SEC14L5: variants seen among roughly 807,000 people sequenced by gnomAD.
SEC14L5 encodes SEC14-like protein 5.
SEC14L5 carries 96 observed loss-of-function variants against 84.6 expected under a neutral mutation model. The ratio of observed to expected loss-of-function variants is 1.13; its 90% confidence interval spans 0.96 to 1.34. SEC14L5 has a LOEUF of 1.34. SEC14L5 is among the 40% of genes most tolerant of loss of function. The pLI, the probability that SEC14L5 is intolerant of heterozygous loss-of-function variation, is 0.00. For synonymous variants in SEC14L5, 546 were observed against 383.4 expected, an observed-to-expected ratio of 1.42 and a Z score of -4.95; for missense variants, 1,224 against 942.5, an observed-to-expected ratio of 1.30 and a Z score of -3.91.
rs148871821 is a variant in SEC14L5 at position 4,997,034 on chromosome 16, C to T, written c.960C>T (p.Tyr320=). 3 of 1,610,208 alleles carry T rather than the reference C, an allele frequency of 1.9e-6. No individual in the cohort carries two copies. Among genetic ancestry groups the T allele is most frequent in the African/African-American group, 1.3e-5 (1 of 74,900 alleles). The change falls in exon 8 of 16, where the codon TAC becomes TAT. Residue 320 remains tyrosine, a synonymous_variant. Coordinates refer to ENST00000251170, the MANE Select transcript of SEC14L5 (RefSeq NM_014692.2). The part of the protein sequence containing the change: ...LEEFYAGGWH[Y]QDIDGRPLYI... ...AGTTCTATGCAGGGGGCTGGCATTA[C>T]CAGGACATAGGTGCGTGCCTCCACC...
intron 2 of SEC14L5, among the ~76,000 whole-genome samples, chr16:4,964,256 G>A (rs557177877): frequency 1.3e-5 from 2 of 152,116 alleles, no homozygotes; most frequent in Non-Finnish European, 2.9e-5. Flanking sequence ...TCCATTGTGA[G>A]TCGAGTCTAG....
At chr16:4,961,074 A>G (rs554969984) in intron 2 of SEC14L5, among the ~76,000 whole-genome samples, 74 of 152,244 alleles carry the variant, frequency 4.9e-4, no homozygotes, top group African/African-American at 1.7e-3. Flanking sequence ...GATCAAGACA[A>G]TCCCGTGTAA....
intron 5 of SEC14L5, 104 bp downstream of exon 5, chr16:4,990,999 G>C: frequency 2.2e-6 from 2 of 919,892 alleles, no homozygotes; most frequent in South Asian, 2.0e-5. Flanking sequence ...CCTGGGCTCA[G>C]TGTTATCTGT....
intron 2 of SEC14L5, among the ~76,000 whole-genome samples, chr16:4,960,932 G>T (rs1340203445): frequency 6.6e-6 from 1 of 152,192 alleles, no homozygotes; most frequent in Middle Eastern, 3.4e-3. Context: ...GATGCTTTAG[G>T]GTTCTGCTGT....
At chr16:4,984,032 A>G (rs1324594722) in intron 2 of SEC14L5, among the ~76,000 whole-genome samples, 1 of 152,216 alleles carries the variant, frequency 6.6e-6, no homozygotes, top group Non-Finnish European at 1.5e-5. Context: ...CAATTCACAT[A>G]TCATACAACT....
At chr16:4,963,781 G>A (rs964716606) in intron 2 of SEC14L5, among the ~76,000 whole-genome samples, 3 of 152,180 alleles carry the variant, frequency 2.0e-5, no homozygotes, top group African/African-American at 7.2e-5. Context: ...AGTCTCCAGA[G>A]TACAGCCTTA....
intron 10 of SEC14L5, among the ~76,000 whole-genome samples, chr16:5,002,981 C>T (rs1955693077): frequency 1.3e-5 from 2 of 152,242 alleles, no homozygotes; most frequent in South Asian, 2.1e-4. Context: ...AACTCCCACA[C>T]GCTTAGCATT....
intron 2 of SEC14L5, among the ~76,000 whole-genome samples, chr16:4,982,210 C>A (rs879568741): frequency 1.6e-4 from 24 of 151,884 alleles, no homozygotes; most frequent in South Asian, 4.1e-4. Context: ...CTTCCTCGGC[C>A]CCCCCCTCCC....
chr16:4,983,511 C>T (rs930870469), intron 2 of SEC14L5, among the ~76,000 whole-genome samples: 8 of 149,670 alleles, frequency 5.3e-5, no homozygotes, highest in African/African-American at 2.0e-4. Flanking sequence ...AAGATATATG[C>T]ACACTATATA....
intron 2 of SEC14L5, 30 bp from the exon 3 acceptor site, chr16:4,987,527 C>G: frequency 6.6e-7 from 1 of 1,513,336 alleles, no homozygotes; most frequent in Non-Finnish European, 8.8e-7. Context: ...CCCCCCCCAC[C>G]ACGGCCGCTC....
chr16:4,968,762 A>G (rs1039481394), intron 2 of SEC14L5, among the ~76,000 whole-genome samples: 7 of 152,242 alleles, frequency 4.6e-5, no homozygotes, highest in African/African-American at 1.7e-4. Context: ...TCTGTTTTGC[A>G]AACCTAAATA....
At chr16:5,008,983 C>T (rs527905660) in intron 14 of SEC14L5, among the ~76,000 whole-genome samples, 1 of 152,188 alleles carries the variant, frequency 6.6e-6, no homozygotes, top group Non-Finnish European at 1.5e-5. Context: ...CTTGGGGCTG[C>T]AGTAATGAGT....
In SEC14L5 at chr16:5,005,937, C is replaced by T; in HGVS notation, c.1326C>T (p.Asn442=). The T allele has an allele frequency of 6.3e-7, 1 of 1,598,928 alleles. No homozygotes were observed. Among genetic ancestry groups the T allele is most frequent in the Non-Finnish European group, 8.5e-7 (1 of 1,172,360 alleles). The change falls in exon 12 of 16, where the codon AAC becomes AAT. Residue 442 remains asparagine, a synonymous_variant. Transcript: ENST00000251170. ...WTLISPFINE[N]TRRKFLIYSG... ...AGATCAGCCCCTTCATCAATGAGAA[C>T]ACCAGGCGGAAGTTCCTCATCTACA...
Position 4,991,996 on chromosome 16 carries a change from C to G in SEC14L5, c.633C>G (p.Thr211=). The change falls in exon 6 of 16, where the codon ACC becomes ACG. Residue 211 remains threonine, a synonymous_variant. Transcript: ENST00000251170. ...SSLEAHGPRS[T]LGPALEAVSM... ...TGGAGGCCCACGGGCCCCGTAGCAC[C>G]CTGGGGCCCGCTCTGGAGGCGGTCA... 6.3e-7 allele frequency: 1 copy of G among 1,581,914 alleles called. No individual in the cohort carries two copies. Among genetic ancestry groups the G allele is most frequent in the Non-Finnish European group, 8.5e-7 (1 of 1,169,722 alleles).
At chr16:4,977,446 C>CAAAAAAAAAAAAAAAAAAAAA (rs762657125) in intron 2 of SEC14L5, among the ~76,000 whole-genome samples, 1 of 66,142 alleles carries the variant, frequency 1.5e-5, no homozygotes, top group Non-Finnish European at 2.5e-5. Flanking sequence ...GACTCCGTCT[C>CAAAAAAAAAAAAAAAAAAAAA]AAAAAAAAAA....
chr16:4,990,998 A>G (rs1955548058), intron 5 of SEC14L5, 103 bp downstream of exon 5: 1 of 940,984 alleles, frequency 1.1e-6, no homozygotes, highest in Non-Finnish European at 1.5e-6. Flanking sequence ...TCCTGGGCTC[A>G]GTGTTATCTG....
chr16:5,004,579 C>T (rs1236190524), intron 11 of SEC14L5, among the ~76,000 whole-genome samples: 3 of 151,712 alleles, frequency 2.0e-5, no homozygotes, highest in Non-Finnish European at 4.4e-5. Flanking sequence ...AAAGCTGGGA[C>T]AGGGGTGGGG....
At chr16:5,002,298 AT>A (rs71402579) in intron 10 of SEC14L5, among the ~76,000 whole-genome samples, 1,725 of 133,688 alleles carry the variant, frequency 0.013, 26 homozygotes, top group African/African-American at 0.042. Context: ...CTGTTTGCAG[AT>A]TTTTTTTTTT....
intron 3 of SEC14L5, 54 bp from the exon 4 acceptor site, chr16:4,988,095 C>T (rs1955512808): frequency 1.2e-6 from 2 of 1,602,478 alleles, no homozygotes; most frequent in Admixed American, 1.7e-5. Context: ...CTCTCCATTC[C>T]TGTGTGCTCC....
Sources: allele counts gnomAD v4.1 joint callset (sites outside exome capture counted in the v4.1 genomes callset), GRCh38; gene constraint gnomAD v4.1.1; transcripts MANE v1.5; gene names NCBI Gene and HGNC (gene_info 2026-07-23, HGNC 2026-07-21).